Variants in ABI3BP observed in about 807,000 individuals in gnomAD.
The protein encoded by ABI3BP is target of Nesh-SH3.
A neutral mutation model predicts 268.6 loss-of-function variants in ABI3BP; 216 were observed. The observed-to-expected ratio is 0.80, with a 90% confidence interval of 0.72 to 0.90. The LOEUF is 0.90. Ranked by LOEUF, ABI3BP falls within the 40% of genes least tolerant of loss-of-function variation. ABI3BP has a pLI of 0.00. For missense variants in ABI3BP, 2,090 were observed against 2,182.4 expected (o/e 0.96, Z 0.84); for synonymous variants, 730 against 730.0 (o/e 1.00, Z 0.00).
At chr3:100,862,224 G>T in intron 14 of ABI3BP, 87 bp downstream of exon 14, 1 of 869,384 alleles carries the variant, frequency 1.2e-6, no homozygotes, top group Non-Finnish European at 1.8e-6. Flanking sequence ...AAAGCATAAT[G>T]ATAATCAATT....
chr3:100,952,876 T>C (rs1021680228), intron 1 of ABI3BP: 3 of 152,218 alleles, frequency 2.0e-5, no homozygotes, highest in Non-Finnish European at 4.4e-5. Flanking sequence ...TTCTCTTTTA[T>C]GTATTCTAGA....
intron 16 of ABI3BP, among the ~76,000 whole-genome samples, 166 bp from the exon 17 acceptor site, chr3:100,850,285 A>C (rs2098822981): frequency 1.3e-5 from 2 of 152,252 alleles, no homozygotes; most frequent in African/African-American, 4.8e-5. Context: ...TCTGATTTAA[A>C]GTAGGGAAAA....
chr3:100,930,313 A>G (rs1448454498), intron 1 of ABI3BP, among the ~76,000 whole-genome samples: 1 of 152,008 alleles, frequency 6.6e-6, no homozygotes, highest in Non-Finnish European at 1.5e-5. Context: ...GTGAGAAAAA[A>G]TAAAAACAGA....
chr3:100,981,037 T>G (rs1226511658), intron 1 of ABI3BP, among the ~76,000 whole-genome samples: 4 of 152,204 alleles, frequency 2.6e-5, no homozygotes, highest in Non-Finnish European at 4.4e-5. Flanking sequence ...ACATAGTGAT[T>G]TATGTTATAG....
intron 2 of ABI3BP, among the ~76,000 whole-genome samples, chr3:100,918,268 C>T (rs1418167051): frequency 6.6e-6 from 1 of 151,194 alleles, no homozygotes; most frequent in Non-Finnish European, 1.5e-5. Flanking sequence ...TCTTTCCCAC[C>T]TATTCATCCA....
intron 1 of ABI3BP, among the ~76,000 whole-genome samples, chr3:100,948,600 T>C (rs1018803072): frequency 6.6e-6 from 1 of 152,216 alleles, no homozygotes; most frequent in Non-Finnish European, 1.5e-5. Context: ...TGAATACTTC[T>C]GTCTTTCCCA....
At chr3:100,944,090 C>T (rs918613642) in intron 1 of ABI3BP, among the ~76,000 whole-genome samples, 2 of 152,128 alleles carry the variant, frequency 1.3e-5, no homozygotes, top group African/African-American at 4.8e-5. Flanking sequence ...AGGTCTCTGA[C>T]ACCTTTCCCT....
At chr3:100,806,565 A>G (rs530060043) in intron 50 of ABI3BP, among the ~76,000 whole-genome samples, 10 of 152,222 alleles carry the variant, frequency 6.6e-5, no homozygotes, top group African/African-American at 1.7e-4. Context: ...AAAAAGAATA[A>G]GTAGAATGCA....
intron 1 of ABI3BP, among the ~76,000 whole-genome samples, chr3:100,951,527 C>T (rs2075018011): frequency 6.6e-6 from 1 of 151,968 alleles, no homozygotes; most frequent in African/African-American, 2.4e-5. Context: ...TGGTTCCAGT[C>T]CTACAAGCTT....
rs1199258084 is a variant in ABI3BP at position 100,749,406 on chromosome 3, A to AGAT, written c.*1086_*1088dup. ...AAAAATACAAAATGTAGCGTTGATA[A>AGAT]GATTGAAGCATGTTGAAAGGTAAGT... On this transcript the variant is annotated 3_prime_UTR_variant, in exon 68 of 68. Coordinates refer to ENST00000471714, the MANE Select transcript of ABI3BP (RefSeq NM_001375547.2). The AGAT allele has an allele frequency of 5.3e-6, 2 of 377,420 alleles. No individual in the cohort carries two copies. Among genetic ancestry groups the AGAT allele is most frequent in the African/African-American group, 4.2e-5 (2 of 48,050 alleles). 23.4% of individuals were successfully genotyped at this position (377,420 alleles called of 1,614,324 possible).
intron 63 of ABI3BP, among the ~76,000 whole-genome samples, chr3:100,765,242 G>A (rs2096220497): frequency 1.3e-5 from 2 of 152,040 alleles, no homozygotes; most frequent in Admixed American, 6.5e-5. Context: ...AAACTGTACA[G>A]CAATATGAAC....
intron 1 of ABI3BP, among the ~76,000 whole-genome samples, chr3:100,932,515 C>A (rs1286961676): frequency 6.6e-6 from 1 of 151,284 alleles, no homozygotes; most frequent in Non-Finnish European, 1.5e-5. Flanking sequence ...ACCAAATAAC[C>A]CCATTTTAAA....
chr3:100,967,065 A>G (rs536601038), intron 1 of ABI3BP, among the ~76,000 whole-genome samples: 122 of 152,066 alleles, frequency 8.0e-4, no homozygotes, highest in African/African-American at 2.8e-3. Flanking sequence ...CAATTTTCTC[A>G]TCTGTGAAGG....
At chr3:100,785,453 C>T (rs1421604367) in intron 57 of ABI3BP, among the ~76,000 whole-genome samples, 2 of 152,168 alleles carry the variant, frequency 1.3e-5, no homozygotes, top group Non-Finnish European at 2.9e-5. Flanking sequence ...TTTTTCCTCA[C>T]CAATTTTTGA....
At chr3:100,988,349 AG>A (rs1227829635) in intron 1 of ABI3BP, among the ~76,000 whole-genome samples, 4 of 152,162 alleles carry the variant, frequency 2.6e-5, no homozygotes, top group African/African-American at 9.6e-5. Flanking sequence ...ATCAATCATG[AG>A]GAGTCAGGCC....
Position 100,940,914 on chromosome 3 carries a change from G to T in ABI3BP, c.80-14433C>A, listed in dbSNP as rs544083523. ...TGTAAATTAATAGCACACAGATTTA[G>T]AGGTGGACAGATGGCATCCCTATTT... On this transcript the variant is annotated intron_variant, in intron 1 of 67. Coordinates refer to ENST00000471714, the MANE Select transcript of ABI3BP (RefSeq NM_001375547.2). Among the ~76,000 whole-genome samples the T allele has an allele frequency of 2.4e-3, 334 of 139,814 alleles. 4 individuals carry two copies. Among genetic ancestry groups the T allele is most frequent in the Non-Finnish European group, 3.9e-3 (256 of 65,242 alleles). The allele number at this position is 139,814 out of a possible 152,430, so 91.7% of individuals were successfully genotyped here.
At chr3:100,835,342 A>G (rs1342242422) in intron 28 of ABI3BP, among the ~76,000 whole-genome samples, 4 of 152,208 alleles carry the variant, frequency 2.6e-5, no homozygotes, top group Non-Finnish European at 5.9e-5. Context: ...GCAGAATCAC[A>G]GGCTCTGTCA....
chr3:100,985,051 A>G (rs2091179715), intron 1 of ABI3BP, among the ~76,000 whole-genome samples: 1 of 151,354 alleles, frequency 6.6e-6, no homozygotes, highest in Non-Finnish European at 1.5e-5. Context: ...TGATAAAAGT[A>G]TATTTTCTTT....
chr3:100,765,919 G>A lies in ABI3BP; in HGVS notation c.4772C>T (p.Ser1591Leu), dbSNP rs1201036166. 1 of 1,612,480 alleles carries A rather than the reference G, an allele frequency of 6.2e-7. No individual in the cohort carries two copies. Among genetic ancestry groups the A allele is most frequent in the South Asian group, 1.1e-5 (1 of 90,674 alleles). Residue 1591 changes from serine (S) to leucine (L), a missense_variant, in exon 63 of 68, where the codon TCA (serine) becomes TTA (leucine). Physicochemically the swap from Ser to Leu is moderately radical, Grantham distance 145. Transcript: ENST00000471714. The part of the protein sequence containing the change: ...EYEVISRENG[S>L]FSGKNKSIQM... Reference sequence around the variant, plus strand: ...AATGGACTTGTTCTTCCCACTGAATGACCCATTTTCTCTGGATATAACTTC... The same window carrying A: ...AATGGACTTGTTCTTCCCACTGAATAACCCATTTTCTCTGGATATAACTTC...
Sources: gnomAD v4.1 joint callset for allele counts (sites outside exome capture counted in the v4.1 genomes callset) on GRCh38, gnomAD v4.1.1 for gene constraint, MANE v1.5 for transcripts, NCBI Gene and HGNC (gene_info 2026-07-23, HGNC 2026-07-21) for gene names.